L3MBTL4: variants seen among roughly 807,000 people sequenced by gnomAD.
L3MBTL4 encodes the protein lethal(3)malignant brain tumor-like protein 4.
A neutral mutation model predicts 84.5 loss-of-function variants in L3MBTL4; 70 were observed. The observed-to-expected ratio is 0.83, with a 90% CI of 0.68 to 1.01. L3MBTL4 has a LOEUF of 1.01. Ranked by LOEUF, L3MBTL4 falls within the 50% of genes least tolerant of loss-of-function variation. L3MBTL4 has a pLI of 0.00. For synonymous variants in L3MBTL4, 274 were observed against 259.8 expected, an observed-to-expected ratio of 1.05 and a Z score of -0.52; for missense variants, 715 against 754.8, an observed-to-expected ratio of 0.95 and a Z score of 0.62.
At chr18:6,310,904 T>C (rs2050796699) in intron 3 of L3MBTL4, among the ~76,000 whole-genome samples, 1 of 152,190 alleles carries the variant, frequency 6.6e-6, no homozygotes, top group Non-Finnish European at 1.5e-5. Flanking sequence ...AGTAGATCAC[T>C]CTGTAATGAG....
At chr18:6,071,761 A>AAAGAAAG (rs1555645499) in intron 16 of L3MBTL4, among the ~76,000 whole-genome samples, 6 of 92,154 alleles carry the variant, frequency 6.5e-5, no homozygotes, top group South Asian at 3.8e-4. Flanking sequence ...AAGAAAGAAA[A>AAAGAAAG]AAAGAAAGAA....
chr18:6,170,941 T>C (rs1206228657), intron 13 of L3MBTL4, among the ~76,000 whole-genome samples: 2 of 152,212 alleles, frequency 1.3e-5, no homozygotes, highest in African/African-American at 4.8e-5. Flanking sequence ...CAATACACTG[T>C]AGGCTCCAGA....
chr18:6,391,752 A>AACAACAACT (rs1555755552), intron 1 of L3MBTL4, among the ~76,000 whole-genome samples: 1 of 150,006 alleles, frequency 6.7e-6, no homozygotes, highest in African/African-American at 2.5e-5. Context: ...CAACAACAAC[A>AACAACAACT]ACTACTACTA....
intron 10 of L3MBTL4, among the ~76,000 whole-genome samples, chr18:6,230,951 TTTAAGTTCC>T (rs1020723289): frequency 2.6e-5 from 4 of 152,214 alleles, no homozygotes; most frequent in Admixed American, 2.6e-4. Context: ...TGCTTGTTAG[TTTAAGTTCC>T]TTATGGATTC....
intron 16 of L3MBTL4, among the ~76,000 whole-genome samples, chr18:6,026,173 T>A (rs1359057310): frequency 1.3e-5 from 2 of 152,162 alleles, no homozygotes; most frequent in African/African-American, 4.8e-5. Context: ...AAATAGGACA[T>A]CATAACAAAG....
intron 4 of L3MBTL4, among the ~76,000 whole-genome samples, chr18:6,274,345 T>A (rs935302464): frequency 6.6e-6 from 1 of 152,204 alleles, no homozygotes; most frequent in Non-Finnish European, 1.5e-5. Flanking sequence ...TAAGAACTAT[T>A]GCTCCCTATG....
intron 16 of L3MBTL4, among the ~76,000 whole-genome samples, chr18:6,033,150 T>C (rs564858133): frequency 6.6e-6 from 1 of 152,346 alleles, no homozygotes; most frequent in South Asian, 2.1e-4. Flanking sequence ...TTTATATGTT[T>C]TGATGGTCTG....
At chr18:6,236,479 C>A (rs1196530744) in intron 10 of L3MBTL4, among the ~76,000 whole-genome samples, 1 of 152,178 alleles carries the variant, frequency 6.6e-6, no homozygotes, top group Non-Finnish European at 1.5e-5. Context: ...AAGAGACTTA[C>A]ACACTGAGCC....
rs190795878 is a variant in L3MBTL4 at position 6,377,300 on chromosome 18, G to A, written c.-91+37501C>T. On this transcript the variant is annotated intron_variant, in intron 1 of 18. Transcript: ENST00000317931. ...TGGCCGTGTCCACTTTTCTTCATAC[G>A]AGTTTCCTGAGTTGGTTTTTTTAAT... Among the ~76,000 whole-genome samples the A allele has an allele frequency of 9.1e-4, 138 of 152,122 alleles. 3 individuals are homozygous for A. The highest frequency in any genetic ancestry group is 2.8e-4 in the Non-Finnish European group (19 of 67,998).
At chr18:6,260,259 A>G (rs2048340658) in intron 5 of L3MBTL4, 1 of 152,076 alleles carries the variant, frequency 6.6e-6, no homozygotes, top group Admixed American at 6.5e-5. Flanking sequence ...TGCTTTCACT[A>G]TTTGGGCTCT....
chr18:6,277,258 G>T (rs2049124299), intron 4 of L3MBTL4, among the ~76,000 whole-genome samples: 1 of 151,982 alleles, frequency 6.6e-6, no homozygotes, highest in African/African-American at 2.4e-5. Context: ...TGCACAATGT[G>T]CACATGTACC....
At chr18:6,260,219 A>G (rs1010849670) in intron 5 of L3MBTL4, 5 of 152,034 alleles carry the variant, frequency 3.3e-5, no homozygotes, top group Non-Finnish European at 7.4e-5. Flanking sequence ...AAGTCAGGTA[A>G]TACGATGCTT....
At position 6,138,435 on chromosome 18, in the gene L3MBTL4, G is replaced by A; in HGVS notation, c.1097-139C>T. ...CAAAAACCACTTACAGGTGACTTAC[G>A]ATGTATTATTAATATTAAATTATTT... On this transcript the variant is annotated intron_variant, in intron 13 of 18. Transcript: ENST00000317931. 4 of 566,266 alleles carry A rather than the reference G, an allele frequency of 7.1e-6. No homozygotes were observed. In the South Asian group the frequency reaches 1.1e-4, roughly 15 times the overall value. The allele number at this position is 566,266 out of a possible 1,614,324, so 35.1% of individuals were successfully genotyped here. A position where few individuals can be genotyped will look rare whatever the true frequency, so the allele number is the denominator to read the frequency against.
intron 10 of L3MBTL4, among the ~76,000 whole-genome samples, chr18:6,229,071 T>C (rs1392856997): frequency 6.6e-6 from 1 of 152,190 alleles, no homozygotes; most frequent in African/African-American, 2.4e-5. Flanking sequence ...TTCATACTTA[T>C]AATAGATGCA....
intron 14 of L3MBTL4, among the ~76,000 whole-genome samples, chr18:6,097,563 A>G (rs2058682185): frequency 1.3e-5 from 2 of 152,164 alleles, no homozygotes; most frequent in South Asian, 4.1e-4. Flanking sequence ...CAGTTGGGAC[A>G]GTTTCCCTGT....
intron 12 of L3MBTL4, among the ~76,000 whole-genome samples, chr18:6,208,194 T>A (rs986689702): frequency 6.6e-6 from 1 of 152,114 alleles, no homozygotes; most frequent in African/African-American, 2.4e-5. Context: ...TCAGGTGGCT[T>A]TCTGGAAGCA....
intron 1 of L3MBTL4, among the ~76,000 whole-genome samples, chr18:6,331,837 C>T (rs1415010141): frequency 2.0e-5 from 3 of 150,614 alleles, no homozygotes; most frequent in Non-Finnish European, 4.4e-5. Context: ...GACAATCACC[C>T]AAAATAAAGC....
intron 1 of L3MBTL4, among the ~76,000 whole-genome samples, chr18:6,366,895 TC>T: frequency 6.6e-6 from 1 of 152,362 alleles, no homozygotes; most frequent in South Asian, 2.1e-4. Context: ...CAGGAAGATC[TC>T]CTTTTACTCT....
chr18:6,296,822 T>C (rs1169690975), intron 4 of L3MBTL4, among the ~76,000 whole-genome samples: 3 of 152,216 alleles, frequency 2.0e-5, no homozygotes, highest in East Asian at 3.9e-4. Flanking sequence ...GAGACATTAT[T>C]TGAGAGATGT....
Sources: allele counts gnomAD v4.1 joint callset (sites outside exome capture counted in the v4.1 genomes callset), GRCh38; gene constraint gnomAD v4.1.1; transcripts MANE v1.5; gene names NCBI Gene and HGNC (gene_info 2026-07-23, HGNC 2026-07-21).